Variants in GAREM2 observed in about 807,000 individuals in gnomAD.
GAREM2 encodes GRB2-associated and regulator of MAPK protein 2.
GAREM2 carries 30 observed loss-of-function variants against 55.6 expected under a neutral mutation model. The ratio of observed to expected loss-of-function variants is 0.54; its 90% CI spans 0.40 to 0.73. GAREM2 has a LOEUF of 0.73. Among genes scored for constraint, GAREM2 ranks in the 30% least tolerant of loss-of-function variants. The pLI, the probability that GAREM2 is intolerant of heterozygous loss-of-function variation, is 0.00. For synonymous variants in GAREM2, 550 were observed against 569.1 expected (o/e 0.97, Z 0.48); for missense variants, 1,075 against 1,257.7 (o/e 0.85, Z 2.20).
At chr2:26,189,950 C>T (rs1669441021), downstream of GAREM2, among the ~76,000 whole-genome samples, 1 of 152,256 alleles carries the variant, frequency 6.6e-6, no homozygotes, top group African/African-American at 2.4e-5. Flanking sequence ...AAGCTGAATG[C>T]CACCAGCCAG....
At chr2:26,191,019 T>C, downstream of GAREM2, 4 of 606,420 alleles carry the variant, frequency 6.6e-6, no homozygotes, top group East Asian at 5.7e-5. Flanking sequence ...TCGGGGCTTA[T>C]ACAATGAGCA....
At chr2:26,177,824 A>C (rs1171981107) in intron 2 of GAREM2, among the ~76,000 whole-genome samples, 1 of 151,606 alleles carries the variant, frequency 6.6e-6, no homozygotes, top group Non-Finnish European at 1.5e-5. Context: ...ACAGGGTTTC[A>C]CCATGTTGGC....
intron 2 of GAREM2, chr2:26,182,094 AG>A (rs1669068844): frequency 1.9e-6 from 2 of 1,075,140 alleles, no homozygotes; most frequent in African/African-American, 3.3e-5. Flanking sequence ...ATCAGATGCC[AG>A]GGCGGCTCAG....
intron 5 of GAREM2, among the ~76,000 whole-genome samples, chr2:26,186,661 C>T (rs534317141): frequency 2.9e-4 from 44 of 152,328 alleles, no homozygotes; most frequent in African/African-American, 1.0e-3. Context: ...GAGAAGAGAG[C>T]TCCTTGCTGT....
chr2:26,193,479 ACTTTCTTC>A, downstream of GAREM2: 1 of 1,024,366 alleles, frequency 9.8e-7, no homozygotes, highest in Non-Finnish European at 1.6e-6. Context: ...TGTTTAGAAA[ACTTTCTTC>A]CACGAGGGCT....
At chr2:26,186,013 A>G (rs1669240500) in intron 4 of GAREM2, among the ~76,000 whole-genome samples, 176 bp from the exon 5 acceptor site, 2 of 152,136 alleles carry the variant, frequency 1.3e-5, no homozygotes, top group African/African-American at 4.8e-5. Flanking sequence ...TGGGAAGGCT[A>G]GGAAGGGTGG....
At chr2:26,184,184 C>CT in intron 3 of GAREM2, 49 bp from the exon 4 acceptor site, 1 of 1,539,720 alleles carries the variant, frequency 6.5e-7, no homozygotes, top group Non-Finnish European at 8.8e-7. Context: ...GGCCGTGTGG[C>CT]TTTCCCTGGG....
the GAREM2 span, among the ~76,000 whole-genome samples, chr2:26,198,169 C>T: frequency 1.3e-5 from 2 of 152,178 alleles, no homozygotes; most frequent in Non-Finnish European, 2.9e-5. Flanking sequence ...CCCTGAATCA[C>T]TCCCCGCTTC....
At chr2:26,184,153 C>G (rs1475176686) in intron 3 of GAREM2, 80 bp from the exon 4 acceptor site, 11 of 1,521,256 alleles carry the variant, frequency 7.2e-6, no homozygotes, top group Non-Finnish European at 9.7e-6. Flanking sequence ...GGCTGTTTTC[C>G]CTTTCCAGTC....
the GAREM2 span, among the ~76,000 whole-genome samples, chr2:26,195,582 G>T: frequency 7.6e-6 from 1 of 132,154 alleles, no homozygotes; most frequent in Admixed American, 8.3e-5. Flanking sequence ...TAGATAAGAG[G>T]ATCCAGTTTT....
At chr2:26,200,757 G>A in the GAREM2 span, among the ~76,000 whole-genome samples, 1 of 149,576 alleles carries the variant, frequency 6.7e-6, no homozygotes, top group Non-Finnish European at 1.5e-5. Flanking sequence ...TTTGGAGATG[G>A]AGTCTCGCTC....
At chr2:26,201,756 T>A in the GAREM2 span, among the ~76,000 whole-genome samples, 1 of 152,292 alleles carries the variant, frequency 6.6e-6, no homozygotes, top group South Asian at 2.1e-4. Context: ...TTATCGCAAA[T>A]ATATAATTTT....
chr2:26,185,044 C>T lies in GAREM2; in HGVS notation c.1196C>T (p.Pro399Leu), dbSNP rs1336120409. 1 of 1,206,604 alleles carries T rather than the reference C, an allele frequency of 8.3e-7. No homozygotes were observed. Among genetic ancestry groups the T allele is most frequent in the African/African-American group, 1.6e-5 (1 of 62,602 alleles). The allele number at this position is 1,206,604 out of a possible 1,614,324, so 74.7% of individuals were successfully genotyped here. Reference sequence around the variant, plus strand: ...GCCCGCGCCCCCGGCCCGCTAGCGCCGGCTCCCGCCGGCGAGGGCGACCAG... The same window carrying T: ...GCCCGCGCCCCCGGCCCGCTAGCGCTGGCTCCCGCCGGCGAGGGCGACCAG... Reference protein sequence around the residue: ...GLARAPGPLAPAPAGEGDQEY... With the variant: ...GLARAPGPLALAPAGEGDQEY... Residue 399 changes from proline (P) to leucine (L), a missense_variant, in exon 4 of 6, where the codon CCG becomes CTG. This residue lies in a region of GAREM2 where 515 missense variants were observed against 501.5 expected (regional missense o/e 1.03). Transcript: ENST00000401533.
At chr2:26,195,262 C>T in the GAREM2 span, 20 of 1,598,134 alleles carry the variant, frequency 1.3e-5, no homozygotes, top group African/African-American at 2.7e-5. Flanking sequence ...GCCAACAGAT[C>T]GGAGAATGCG....
chr2:26,184,153 C>T (rs1475176686), intron 3 of GAREM2, 80 bp from the exon 4 acceptor site: 17 of 1,521,136 alleles, frequency 1.1e-5, no homozygotes, highest in Non-Finnish European at 7.1e-6. Context: ...GGCTGTTTTC[C>T]CTTTCCAGTC....
chr2:26,204,248 G>A, the GAREM2 span: 1 of 1,557,982 alleles, frequency 6.4e-7, no homozygotes, highest in South Asian at 1.1e-5. Context: ...AATCATTTCA[G>A]TCAAAGTGGA....
chr2:26,184,653 G>A lies in GAREM2; in HGVS notation c.805G>A (p.Val269Met). Residue 269 changes from valine (V) to methionine (M), a missense_variant, in exon 4 of 6, where the codon GTG becomes ATG. Physicochemically the swap from Val to Met is conservative, Grantham distance 21. Around this residue, in one of 6 missense-constraint regions of GAREM2, gnomAD observed 170 missense variants for 220.7 expected, o/e 0.77. Transcript: ENST00000401533. ...CGTGAGGCTGCCGGTGAACGTGCTGGTGCCCAGCCGGCCGCCGCGCAACCC... is the reference window on the plus strand; with the variant it reads ...CGTGAGGCTGCCGGTGAACGTGCTGATGCCCAGCCGGCCGCCGCGCAACCC... Reference protein sequence around the residue: ...ERVRLPVNVLVPSRPPRNPYD... With the variant: ...ERVRLPVNVLMPSRPPRNPYD... The A allele has an allele frequency of 1.3e-6, 2 of 1,544,846 alleles. No homozygotes were observed. Among genetic ancestry groups the A allele is most frequent in the Non-Finnish European group, 1.7e-6 (2 of 1,144,614 alleles).
chr2:26,195,184 C>A, the GAREM2 span: 1 of 1,612,212 alleles, frequency 6.2e-7, no homozygotes, highest in Admixed American at 1.7e-5. Context: ...GTGATAATCT[C>A]CAGCAGCTGC....
the GAREM2 span, among the ~76,000 whole-genome samples, chr2:26,203,398 C>T: frequency 1.3e-5 from 2 of 152,172 alleles, no homozygotes; most frequent in Non-Finnish European, 2.9e-5. Context: ...TGCTGCTCCA[C>T]CTTCCCCTCT....
Sources: gnomAD v4.1 joint callset for allele counts (sites outside exome capture counted in the v4.1 genomes callset) on GRCh38, gnomAD v4.1.1 for gene constraint, gnomAD v4.1.1 regional missense constraint, MANE v1.5 for transcripts, NCBI Gene and HGNC (gene_info 2026-07-23, HGNC 2026-07-21) for gene names.